LSG1: variants seen among roughly 807,000 people sequenced by gnomAD.
LSG1 encodes large 60S subunit nuclear export GTPase 1, also known as large subunit GTPase 1 homolog.
LSG1 carries 55 observed loss-of-function variants against 82.6 expected under a neutral mutation model. The observed-to-expected ratio is 0.67, with a 90% CI of 0.54 to 0.83. The LOEUF (loss-of-function observed/expected upper bound fraction) is 0.83. Ranked by LOEUF, LSG1 falls within the 40% of genes least tolerant of loss-of-function variation. The pLI is 0.00. For missense variants in LSG1, 809 were observed against 807.9 expected (o/e 1.00, Z -0.02); for synonymous variants, 272 against 282.5 (o/e 0.96, Z 0.37).
chr3:194,666,070 C>A (rs759221874), intron 4 of LSG1, 133 bp downstream of exon 4: 112 of 753,596 alleles, frequency 1.5e-4, no homozygotes, highest in Non-Finnish European at 2.2e-4. Context: ...CATCTATTTG[C>A]ACTTGTTAGC....
intron 7 of LSG1, 98 bp from the exon 8 acceptor site, chr3:194,653,240 C>A (rs1309202081): frequency 3.1e-6 from 4 of 1,271,870 alleles, no homozygotes; most frequent in Non-Finnish European, 4.4e-6. Context: ...GATGGCTGGG[C>A]GTGGTGGCTC....
chr3:194,647,904 G>C (rs1349006537), intron 11 of LSG1, among the ~76,000 whole-genome samples: 7 of 152,054 alleles, frequency 4.6e-5, no homozygotes, highest in Non-Finnish European at 1.0e-4. Context: ...CAAGTGTTTA[G>C]TATTTATCCT....
At chr3:194,667,207 C>G (rs574245985) in intron 2 of LSG1, among the ~76,000 whole-genome samples, 2 of 152,002 alleles carry the variant, frequency 1.3e-5, no homozygotes, top group Non-Finnish European at 2.9e-5. Flanking sequence ...CGCACCACCA[C>G]GCCCGGCTAA....
rs770014838 is a variant in LSG1 at position 194,642,187 on chromosome 3, C to T, written c.1858G>A (p.Gly620Ser). 6.2e-7 allele frequency: 1 copy of T among 1,614,116 alleles called. No homozygotes were observed. The highest frequency in any genetic ancestry group is 1.1e-5 in the South Asian group (1 of 91,070). The change falls in exon 14 of 14, where the codon GGT becomes AGT. Residue 620 changes from glycine to serine, a missense_variant. By Grantham distance (56) the Gly-to-Ser change is moderately conservative. Transcript: ENST00000265245. ...CTCGCAGTGGATGCAGTCACTACACCACTCCCGGGCTTGTAACCCATCACA... is the reference window on the plus strand; with the variant it reads ...CTCGCAGTGGATGCAGTCACTACACTACTCCCGGGCTTGTAACCCATCACA... ...QAVMGYKPGS[G>S]VVTASTASSE...
Position 194,670,151 on chromosome 3 carries a change from G to T in LSG1, c.100-16C>A. ...TTGTGTGCAACTATGAAAAAACACA[G>T]GGTGATAAATACAGCTGCTCTCTTC... On this transcript the variant is annotated splice_polypyrimidine_tract_variant and intron_variant, in intron 1 of 13. Transcript: ENST00000265245. The T allele has an allele frequency of 6.2e-7, 1 of 1,611,814 alleles. No homozygotes were observed. The highest frequency in any genetic ancestry group is 1.1e-5 in the South Asian group (1 of 90,966).
In LSG1 at chr3:194,651,004, G is replaced by A. The variant is rs1361680252; in HGVS notation, c.1296C>T (p.Gly432=). 1.2e-6 allele frequency: 2 copies of A among 1,614,156 alleles called. No individual in the cohort carries two copies. Among genetic ancestry groups the A allele is most frequent in the East Asian group, 4.5e-5 (2 of 44,890 alleles). The part of the protein sequence containing the change: ...KHFQTLYVEP[G]LCLCDCPGLV... ...AGCCAGGACAGTCACACAGGCAGAG[G>A]CCAGGCTCCACATAGAGAGTCTGGA... is the stretch of plus-strand genomic sequence containing the variant. Residue 432 remains glycine (G), a synonymous_variant, in exon 10 of 14, where the codon GGC becomes GGT. Coordinates refer to ENST00000265245, the MANE Select transcript of LSG1 (RefSeq NM_018385.3).
chr3:194,657,813 C>T (rs1056261498), intron 7 of LSG1, among the ~76,000 whole-genome samples: 81 of 152,166 alleles, frequency 5.3e-4, no homozygotes, highest in African/African-American at 1.9e-3. Flanking sequence ...TGGCTGACTT[C>T]GTTTCACTGA....
intron 4 of LSG1, 92 bp downstream of exon 4, chr3:194,666,111 C>G (rs1719023705): frequency 2.7e-6 from 3 of 1,128,228 alleles, no homozygotes; most frequent in Non-Finnish European, 4.0e-6. Context: ...TTAAAAGAAT[C>G]AAAACTTCAA....
chr3:194,660,072 C>A lies in LSG1; in HGVS notation c.582+1G>T. The A allele has an allele frequency of 6.2e-7, 1 of 1,613,678 alleles. No homozygotes were observed. Among genetic ancestry groups the A allele is most frequent in the Non-Finnish European group, 8.5e-7 (1 of 1,179,656 alleles). On this transcript the variant is annotated splice_donor_variant, in intron 6 of 13. Coordinates refer to ENST00000265245, the MANE Select transcript of LSG1 (RefSeq NM_018385.3). LOFTEE classifies it high-confidence loss of function. ...TTTGAATTTTGTCAAACTTGACTTA[C>A]CAAATCCTCACATCTAAACAGGAGT...
At chr3:194,670,245 C>G (rs1719117602) in intron 1 of LSG1, 110 bp from the exon 2 acceptor site, 3 of 1,119,916 alleles carry the variant, frequency 2.7e-6, no homozygotes, top group Admixed American at 4.0e-5. Context: ...TGGTTGTAGT[C>G]CCTTTAGAAT....
At chr3:194,647,423 T>C (rs1196115350) in intron 11 of LSG1, among the ~76,000 whole-genome samples, 2 of 152,158 alleles carry the variant, frequency 1.3e-5, no homozygotes, top group African/African-American at 4.8e-5. Flanking sequence ...CACAAAACAT[T>C]TGGAAAGATG....
At chr3:194,643,715 G>A (rs1037453459) in intron 13 of LSG1, among the ~76,000 whole-genome samples, 4 of 152,112 alleles carry the variant, frequency 2.6e-5, no homozygotes, top group South Asian at 2.1e-4. Context: ...CAAGAGAGAC[G>A]AAATCCATGT....
intron 1 of LSG1, among the ~76,000 whole-genome samples, chr3:194,670,943 C>G (rs1719128973): frequency 6.6e-6 from 1 of 152,082 alleles, no homozygotes; most frequent in South Asian, 2.1e-4. Flanking sequence ...ACCAAACAAC[C>G]AGGCCTGATG....
chr3:194,666,546 C>T lies in LSG1; in HGVS notation c.253G>A (p.Ala85Thr). ...AEKLNIKFVPAEARTGLLSFE... is the reference protein window; with the variant it reads ...AEKLNIKFVPTEARTGLLSFE... ...GACAGTAGTCCAGTTCTAGCCTCAG[C>T]AGGCACAAACTTAATATTAAGTTTC... is the stretch of plus-strand genomic sequence containing the variant. Residue 85 changes from alanine (A) to threonine (T), a missense_variant, in exon 3 of 14, where the codon GCT becomes ACT. Coordinates refer to ENST00000265245, the MANE Select transcript of LSG1 (RefSeq NM_018385.3). 6.2e-7 allele frequency: 1 copy of T among 1,612,220 alleles called. No individual in the cohort carries two copies. The highest frequency in any genetic ancestry group is 8.5e-7 in the Non-Finnish European group (1 of 1,178,966).
intron 7 of LSG1, among the ~76,000 whole-genome samples, chr3:194,657,787 A>C (rs1340985937): frequency 6.6e-6 from 1 of 152,200 alleles, no homozygotes; most frequent in Non-Finnish European, 1.5e-5. Context: ...AAGAGTCCTC[A>C]GATCAAAGGG....
At chr3:194,671,413 G>A (rs1176456464) in intron 1 of LSG1, among the ~76,000 whole-genome samples, 1 of 152,132 alleles carries the variant, frequency 6.6e-6, no homozygotes, top group African/African-American at 2.4e-5. Context: ...TAGCTCCAGG[G>A]ACATATTTAA....
intron 1 of LSG1, chr3:194,671,844 C>G (rs1719143997): frequency 1.7e-6 from 1 of 597,192 alleles, no homozygotes; most frequent in Non-Finnish European, 2.9e-6. Flanking sequence ...CACTCCACGC[C>G]TCATCACCAC....
At chr3:194,666,704 T>C (rs748229292) in intron 2 of LSG1, 132 bp from the exon 3 acceptor site, 36 of 688,002 alleles carry the variant, frequency 5.2e-5, no homozygotes, top group Non-Finnish European at 6.9e-5. Context: ...TAGATTCTTC[T>C]AGCCTTGGGT....
chr3:194,644,380 ATAAAAAT>A (rs1460744891), intron 13 of LSG1, among the ~76,000 whole-genome samples, 186 bp downstream of exon 13: 4 of 109,112 alleles, frequency 3.7e-5, no homozygotes, highest in African/African-American at 1.2e-4. Flanking sequence ...AAAAAAAAAA[ATAAAAAT>A]AAATAAATAA....
Sources: allele counts gnomAD v4.1 joint callset (sites outside exome capture counted in the v4.1 genomes callset), GRCh38; gene constraint gnomAD v4.1.1; transcripts MANE v1.5; gene names NCBI Gene and HGNC (gene_info 2026-07-23, HGNC 2026-07-21).